MIA2: variants seen among roughly 807,000 people sequenced by gnomAD.
MIA2 encodes the protein MIA SH3 domain ER export factor 2.
A neutral mutation model predicts 167.8 loss-of-function variants in MIA2; 127 were observed. The ratio of observed to expected loss-of-function variants is 0.76; its 90% confidence interval spans 0.66 to 0.88. The LOEUF is 0.88. Ranked by LOEUF, MIA2 falls within the 40% of genes least tolerant of loss-of-function variation. MIA2 has a pLI of 0.00. For missense variants in MIA2, 1,690 were observed against 1,624.7 expected, an observed-to-expected ratio of 1.04 and a Z score of -0.69; for synonymous variants, 552 against 541.9, an observed-to-expected ratio of 1.02 and a Z score of -0.26.
intron 25 of MIA2, among the ~76,000 whole-genome samples, chr14:39,330,677 T>A (rs899973743): frequency 6.6e-6 from 1 of 152,232 alleles, no homozygotes; most frequent in African/African-American, 2.4e-5. Context: ...TTGTTCTCAT[T>A]GGTTTCAAAT....
chr14:39,383,457 C>T (rs2139372389), intron 23 of MIA2, among the ~76,000 whole-genome samples: 1 of 152,324 alleles, frequency 6.6e-6, no homozygotes, highest in Middle Eastern at 3.4e-3. Context: ...TCTCCCTCTC[C>T]TTGAGCCTCC....
chr14:39,348,516 C>T (rs1055711533), intron 27 of MIA2, among the ~76,000 whole-genome samples: 1 of 151,896 alleles, frequency 6.6e-6, no homozygotes, highest in African/African-American at 2.4e-5. Context: ...CAGACTGTTA[C>T]TTTGTTGGTT....
At chr14:39,342,658 A>T (rs1305915412) in intron 25 of MIA2, among the ~76,000 whole-genome samples, 1 of 152,212 alleles carries the variant, frequency 6.6e-6, no homozygotes, top group Admixed American at 6.5e-5. Flanking sequence ...TTGAGAATTT[A>T]CATATTAATA....
chr14:39,253,329 T>A (rs759416068), intron 6 of MIA2, 158 bp downstream of exon 6: 4 of 977,230 alleles, frequency 4.1e-6, no homozygotes, highest in Non-Finnish European at 6.2e-6. Context: ...TTTATATGAA[T>A]GTTTTGTCAA....
intron 23 of MIA2, among the ~76,000 whole-genome samples, chr14:39,357,732 C>T (rs553505527): frequency 3.2e-4 from 48 of 152,244 alleles, no homozygotes; most frequent in East Asian, 7.7e-4. Flanking sequence ...TCAGGAGCTC[C>T]CGTAGGGCAG....
At chr14:39,279,795 T>C (rs942185891) in intron 9 of MIA2, among the ~76,000 whole-genome samples, 3 of 152,202 alleles carry the variant, frequency 2.0e-5, no homozygotes, top group Admixed American at 6.5e-5. Flanking sequence ...ATCCTCTGCA[T>C]GTGCACATTT....
intron 6 of MIA2, among the ~76,000 whole-genome samples, chr14:39,262,922 T>C (rs9322997): frequency 0.58 from 88,174 of 151,622 alleles, 27,512 homozygotes; most frequent in African/African-American, 0.82. Context: ...TGGGCTGAGA[T>C]GATGGGGTTT....
At chr14:39,266,959 C>A in intron 6 of MIA2, 1 of 683,954 alleles carries the variant, frequency 1.5e-6, no homozygotes, top group Non-Finnish European at 1.8e-6. Flanking sequence ...GTGCGGCTCA[C>A]ACGACAGCGC....
intron 4 of MIA2, among the ~76,000 whole-genome samples, chr14:39,252,249 G>C (rs1174777213): frequency 6.6e-6 from 1 of 152,118 alleles, no homozygotes; most frequent in Non-Finnish European, 1.5e-5. Flanking sequence ...TGTGATTAGG[G>C]ATCTTGAAAT....
intron 6 of MIA2, chr14:39,267,116 G>T: frequency 8.8e-7 from 1 of 1,133,462 alleles, no homozygotes; most frequent in Non-Finnish European, 1.1e-6. Context: ...GAAGTTTGCG[G>T]CTGTCCGCGC....
chr14:39,274,742 G>C (rs1245411865), intron 6 of MIA2, among the ~76,000 whole-genome samples: 1 of 150,790 alleles, frequency 6.6e-6, no homozygotes, highest in African/African-American at 2.4e-5. Context: ...CAGATTCTTT[G>C]CTTTTCTCCA....
At position 39,288,448 on chromosome 14, in the gene MIA2, TATA is replaced by T. The variant is rs2060136020; in HGVS notation, c.2131-2570_2131-2568del. 7.8e-4 allele frequency among the ~76,000 whole-genome samples: 27 copies of T among 34,704 alleles called. 4 individuals carry two copies. The highest frequency in any genetic ancestry group is 4.6e-3 in the East Asian group (5 of 1,088). 22.8% of individuals were successfully genotyped at this position (34,704 alleles called of 152,430 possible). A position where few individuals can be genotyped will look rare whatever the true frequency, so the allele number is the denominator to read the frequency against. ...TATATTATACATATATATATATATA[TATA>T]TATATATATATATATATATATATAT... On this transcript the variant is annotated intron_variant, in intron 9 of 28. Coordinates refer to ENST00000640607, the MANE Select transcript of MIA2 (RefSeq NM_001329214.4).
rs546320885 is a variant in MIA2 at position 39,359,494 on chromosome 14, G to A, written c.2248+10517G>A. On this transcript the variant is annotated intron_variant, in intron 23 of 23. Coordinates refer to the MIA2 transcript ENST00000341502. ...GAAAGGGAGTTCCCTGACTCCTTGCGCTTCCCAGGTGAGGCGATGCTTTGC... is the reference window on the plus strand; with the variant it reads ...GAAAGGGAGTTCCCTGACTCCTTGCACTTCCCAGGTGAGGCGATGCTTTGC... Among the ~76,000 whole-genome samples the A allele has an allele frequency of 7.2e-5, 11 of 152,244 alleles. No individual in the cohort carries two copies. The East Asian group carries it at 9.7e-4, about 13-fold the overall frequency.
chr14:39,280,184 T>G (rs1360356982), intron 9 of MIA2, among the ~76,000 whole-genome samples: 2 of 152,208 alleles, frequency 1.3e-5, no homozygotes, highest in Admixed American at 6.5e-5. Context: ...AGTCTGTTTC[T>G]GTTAAATCTT....
intron 22 of MIA2, among the ~76,000 whole-genome samples, chr14:39,318,319 A>T (rs1031746016): frequency 6.6e-6 from 1 of 152,172 alleles, no homozygotes; most frequent in East Asian, 1.9e-4. Flanking sequence ...AATCTCTCTG[A>T]CATAGTAATG....
intron 3 of MIA2, among the ~76,000 whole-genome samples, chr14:39,243,848 AG>A (rs1566589510): frequency 6.6e-6 from 1 of 152,126 alleles, no homozygotes; most frequent in East Asian, 1.9e-4. Flanking sequence ...ACTGGGCAAC[AG>A]AACGAGACTC....
intron 23 of MIA2, among the ~76,000 whole-genome samples, chr14:39,379,333 C>T (rs1452215578): frequency 6.6e-6 from 1 of 152,158 alleles, no homozygotes; most frequent in African/African-American, 2.4e-5. Flanking sequence ...TCAGGATAGT[C>T]CCTGGGCCTA....
chr14:39,320,049 A>C (rs2066147231), intron 23 of MIA2, among the ~76,000 whole-genome samples: 1 of 152,132 alleles, frequency 6.6e-6, no homozygotes, highest in African/African-American at 2.4e-5. Context: ...ATATTAGATT[A>C]TTACGAATTT....
chr14:39,330,398 G>T (rs1470672412), intron 25 of MIA2, among the ~76,000 whole-genome samples: 1 of 151,734 alleles, frequency 6.6e-6, no homozygotes, highest in Non-Finnish European at 1.5e-5. Flanking sequence ...TATTTATTTT[G>T]TTAATCTTTT....
Sources: gnomAD v4.1 joint callset for allele counts (sites outside exome capture counted in the v4.1 genomes callset) on GRCh38, gnomAD v4.1.1 for gene constraint, MANE v1.5 for transcripts, NCBI Gene and HGNC (gene_info 2026-07-23, HGNC 2026-07-21) for gene names.